YTHDC1: variants seen among roughly 807,000 people sequenced by gnomAD.
YTHDC1 encodes YTH domain-containing protein 1.
YTHDC1 carries 12 observed loss-of-function variants against 107.0 expected under a neutral mutation model. The observed-to-expected ratio is 0.11, with a 90% CI of 0.07 to 0.18. The LOEUF is 0.18. YTHDC1 is among the 10% of genes least tolerant of loss of function. The pLI is 1.00. For synonymous variants in YTHDC1, 280 were observed against 289.5 expected (o/e 0.97, Z 0.33); for missense variants, 635 against 898.8 (o/e 0.71, Z 3.75).
intron 1 of YTHDC1, among the ~76,000 whole-genome samples, chr4:68,340,875 A>C (rs1724731200): frequency 6.6e-6 from 1 of 152,104 alleles, no homozygotes; most frequent in African/African-American, 2.4e-5. Context: ...AATTTAAATA[A>C]ATTTAAGTTT....
At chr4:68,331,909 A>T (rs1228699641) in intron 7 of YTHDC1, among the ~76,000 whole-genome samples, 194 bp downstream of exon 7, 2 of 89,616 alleles carry the variant, frequency 2.2e-5, no homozygotes, top group African/African-American at 3.3e-5. Context: ...AAATCATCTT[A>T]AAAAAAAAAA....
At chr4:68,343,271 T>C (rs1043073273) in intron 1 of YTHDC1, among the ~76,000 whole-genome samples, 25 of 151,942 alleles carry the variant, frequency 1.6e-4, no homozygotes, top group African/African-American at 5.8e-4. Context: ...CAATCTGGGA[T>C]CACTGCAACC....
At chr4:68,333,096 G>GA (rs1560490981) in intron 5 of YTHDC1, among the ~76,000 whole-genome samples, 2 of 150,130 alleles carry the variant, frequency 1.3e-5, no homozygotes, top group South Asian at 2.1e-4. Context: ...CATCTTCCAA[G>GA]AAAAAAAAAG....
chr4:68,332,217 A>T lies in YTHDC1; in HGVS notation c.1028-20T>A. The T allele has an allele frequency of 6.5e-7, 1 of 1,539,836 alleles. No individual in the cohort carries two copies. The highest frequency in any genetic ancestry group is 2.3e-5 in the East Asian group (1 of 43,942). On this transcript the variant is annotated intron_variant, in intron 6 of 16. Transcript: ENST00000344157. Reference sequence around the variant, plus strand: ...TTTGATCTGAAAAAAAAAGAAACCCAAATCGATTAACCACAAGCCATTATC... The same window carrying T: ...TTTGATCTGAAAAAAAAAGAAACCCTAATCGATTAACCACAAGCCATTATC...
At chr4:68,334,643 T>C (rs1723957383) in intron 4 of YTHDC1, among the ~76,000 whole-genome samples, 2 of 152,218 alleles carry the variant, frequency 1.3e-5, no homozygotes, top group African/African-American at 4.8e-5. Flanking sequence ...TGGATATTTC[T>C]TTCAGTAGTC....
At position 68,332,214 on chromosome 4, in the gene YTHDC1, C is replaced by T. The variant is rs1723665671; in HGVS notation, c.1028-17G>A. ...TGGTTTGATCTGAAAAAAAAAGAAA[C>T]CCAAATCGATTAACCACAAGCCATT... On this transcript the variant is annotated splice_polypyrimidine_tract_variant and intron_variant, in intron 6 of 16. Coordinates refer to ENST00000344157, the MANE Select transcript of YTHDC1 (RefSeq NM_001031732.4). The T allele has an allele frequency of 1.3e-6, 2 of 1,552,154 alleles. No homozygotes were observed. Among genetic ancestry groups the T allele is most frequent in the Non-Finnish European group, 1.8e-6 (2 of 1,139,176 alleles).
chr4:68,333,337 C>G lies in YTHDC1; in HGVS notation c.944G>C (p.Ser315Thr). The G allele has an allele frequency of 6.2e-7, 1 of 1,613,068 alleles. No homozygotes were observed. The highest frequency in any genetic ancestry group is 8.5e-7 in the Non-Finnish European group (1 of 1,179,386). The change falls in exon 5 of 17, where the codon AGT becomes ACT. Residue 315 changes from serine (S) to threonine (T), a missense_variant. By Grantham distance (58) the Ser-to-Thr change is moderately conservative. Coordinates refer to ENST00000344157, the MANE Select transcript of YTHDC1 (RefSeq NM_001031732.4). ...ATATGACTCTGATGCAGAGCTTCCA[C>G]TTCTATCAAAAACAATTGGAGATAT... is the stretch of plus-strand genomic sequence containing the variant. ...RGISPIVFDRSGSSASESYAG... is the reference protein window; with the variant it reads ...RGISPIVFDRTGSSASESYAG...
rs1721602536 is a variant in YTHDC1 at position 68,314,506 on chromosome 4, A to G, written c.1960-183T>C. Among the ~76,000 whole-genome samples the G allele has an allele frequency of 2.0e-5, 3 of 152,348 alleles. No homozygotes were observed. In the South Asian group the frequency reaches 6.2e-4, roughly 32 times the overall value. ...AATAATAAATTAATTCACAGAAGGT[A>G]ATATGCTGACATGGTTTAGAAAAAG... is the stretch of plus-strand genomic sequence containing the variant. On this transcript the variant is annotated intron_variant, in intron 16 of 16. Coordinates refer to ENST00000344157, the MANE Select transcript of YTHDC1 (RefSeq NM_001031732.4).
rs766073192 is a variant in YTHDC1 at position 68,337,349 on chromosome 4, G to T, written c.561C>A (p.Ser187Arg). ...TCCCTTGCTCATCAGAAGAACCACT[G>T]CTGCCAGTCTCATGGTCAGAGCCAT... Reference protein sequence around the residue: ...EEYGSDHETGSSGSSDEQGNN... With the variant: ...EEYGSDHETGRSGSSDEQGNN... Residue 187 changes from serine to arginine, a missense_variant, in exon 4 of 17, where the codon AGC (serine) becomes AGA (arginine). Ser to Arg is a moderately radical substitution (Grantham distance 110, BLOSUM62 -1). Transcript: ENST00000344157. 6.2e-7 allele frequency: 1 copy of T among 1,613,912 alleles called. No individual in the cohort carries two copies. The highest frequency in any genetic ancestry group is 1.1e-5 in the South Asian group (1 of 91,062).
Position 68,342,539 on chromosome 4 carries a change from G to A in YTHDC1, c.29-4155C>T, listed in dbSNP as rs117626180. On this transcript the variant is annotated intron_variant, in intron 1 of 16. Coordinates refer to ENST00000344157, the MANE Select transcript of YTHDC1 (RefSeq NM_001031732.4). ...GTGTCATACATAATACATGACAGAT[G>A]TTTCCAAAATTACTATAGTTTTATT... Among the ~76,000 whole-genome samples, 26 of 152,216 alleles carry A rather than the reference G, an allele frequency of 1.7e-4. No homozygotes were observed. The East Asian group carries it at 4.4e-3, about 26-fold the overall frequency.
intron 1 of YTHDC1, among the ~76,000 whole-genome samples, chr4:68,345,966 TATG>T (rs972288484): frequency 1.8e-4 from 28 of 152,080 alleles, no homozygotes; most frequent in African/African-American, 6.5e-4. Flanking sequence ...GTAAACACAC[TATG>T]ATAACACAAC....
chr4:68,344,017 A>G (rs1725140478), intron 1 of YTHDC1: 1 of 152,180 alleles, frequency 6.6e-6, no homozygotes, highest in South Asian at 2.1e-4. Flanking sequence ...TTAAAAAAAT[A>G]CTATTTGATT....
chr4:68,321,502 GAGA>G (rs1407341220), intron 11 of YTHDC1, among the ~76,000 whole-genome samples: 2 of 152,198 alleles, frequency 1.3e-5, no homozygotes, highest in African/African-American at 4.8e-5. Flanking sequence ...GCAGGCTTGA[GAGA>G]AGGTGTAGTG....
At chr4:68,329,018 T>C (rs1723287539) in intron 9 of YTHDC1, among the ~76,000 whole-genome samples, 1 of 152,208 alleles carries the variant, frequency 6.6e-6, no homozygotes, top group African/African-American at 2.4e-5. Flanking sequence ...GATTCTTTGT[T>C]GATGGGTATG....
chr4:68,331,833 A>T lies in YTHDC1; in HGVS notation c.1122+270T>A, dbSNP rs114748825. Among the ~76,000 whole-genome samples the T allele has an allele frequency of 3.1e-3, 473 of 152,110 alleles. 2 individuals carry two copies. Among genetic ancestry groups the T allele is most frequent in the African/African-American group, 0.011 (449 of 41,536 alleles). ...GAAGTACAGAAACAAAAATCAACAG[A>T]AACAGGATCTTTTACAGCAAAAAGT... is the stretch of plus-strand genomic sequence containing the variant. On this transcript the variant is annotated intron_variant, in intron 7 of 16. Coordinates refer to ENST00000344157, the MANE Select transcript of YTHDC1 (RefSeq NM_001031732.4).
chr4:68,336,902 A>C, intron 4 of YTHDC1, 125 bp downstream of exon 4: 1 of 1,287,700 alleles, frequency 7.8e-7, no homozygotes, highest in Non-Finnish European at 1.0e-6. Context: ...AAAGCATATA[A>C]AGGATCACAA....
In YTHDC1 at chr4:68,349,895, C is replaced by T; in HGVS notation, c.-142G>A. The T allele has an allele frequency of 1.8e-6, 2 of 1,109,190 alleles. No individual in the cohort carries two copies. Among genetic ancestry groups the T allele is most frequent in the Admixed American group, 2.0e-5 (1 of 49,312 alleles). The allele number at this position is 1,109,190 out of a possible 1,614,324, so 68.7% of individuals were successfully genotyped here. On this transcript the variant is annotated 5_prime_UTR_variant, in exon 1 of 17. In the 5' UTR this introduces an upstream ATG that the reference lacks. Transcript: ENST00000344157. ...GCGCGTCGCACTTGGCCTCTTAACA[C>T]TCAGCCTTCTCGACTCTTCCCGCTT...
At chr4:68,345,045 A>C (rs1377153298) in intron 1 of YTHDC1, among the ~76,000 whole-genome samples, 2 of 152,178 alleles carry the variant, frequency 1.3e-5, no homozygotes, top group South Asian at 2.1e-4. Flanking sequence ...CCAACAACAA[A>C]AAAAATCATT....
At chr4:68,333,962 C>T (rs1329653949) in intron 4 of YTHDC1, among the ~76,000 whole-genome samples, 2 of 152,048 alleles carry the variant, frequency 1.3e-5, no homozygotes, top group African/African-American at 4.8e-5. Context: ...CCATTTCCTC[C>T]CTGGATTACT....
Sources: allele counts gnomAD v4.1 joint callset (sites outside exome capture counted in the v4.1 genomes callset), GRCh38; gene constraint gnomAD v4.1.1; transcripts MANE v1.5; gene names NCBI Gene and HGNC (gene_info 2026-07-23, HGNC 2026-07-21).